Variants in CRACD observed in about 807,000 individuals in gnomAD.
CRACD encodes the protein capping protein-inhibiting regulator of actin dynamics.
A neutral mutation model predicts 106.8 loss-of-function variants in CRACD; 56 were observed. That is an observed-to-expected ratio of 0.52 (90% CI 0.42 to 0.66). The LOEUF is 0.66. Ranked by LOEUF, CRACD falls within the 30% of genes least tolerant of loss-of-function variation. The pLI is 0.00. For missense variants in CRACD, 1,730 were observed against 1,623.2 expected, an observed-to-expected ratio of 1.07 and a Z score of -1.13; for synonymous variants, 754 against 670.8, an observed-to-expected ratio of 1.12 and a Z score of -1.92.
chr4:56,296,438 G>A (rs527968267), intron 3 of CRACD, among the ~76,000 whole-genome samples: 7 of 151,906 alleles, frequency 4.6e-5, no homozygotes, highest in South Asian at 2.1e-4. Flanking sequence ...TGTAAACCTC[G>A]CACACTTTTA....
At chr4:56,289,378 G>C (rs1288925309) in intron 3 of CRACD, among the ~76,000 whole-genome samples, 2 of 152,152 alleles carry the variant, frequency 1.3e-5, no homozygotes, top group Non-Finnish European at 2.9e-5. Flanking sequence ...TTGTGTTTAA[G>C]AATTAAAACT....
At chr4:56,105,397 G>A (rs1733918119) in intron 1 of CRACD, among the ~76,000 whole-genome samples, 2 of 152,168 alleles carry the variant, frequency 1.3e-5, no homozygotes, top group African/African-American at 4.8e-5. Context: ...TCCTTGGGAG[G>A]TTGAGGTGGA....
At chr4:56,326,370 T>A (rs1016997064) in intron 10 of CRACD, among the ~76,000 whole-genome samples, 3 of 152,220 alleles carry the variant, frequency 2.0e-5, no homozygotes, top group Non-Finnish European at 4.4e-5. Flanking sequence ...ATGAGTTTCT[T>A]TCAAAATAAA....
intron 2 of CRACD, among the ~76,000 whole-genome samples, chr4:56,218,981 A>G (rs772635004): frequency 3.2e-4 from 49 of 152,158 alleles, no homozygotes; most frequent in Admixed American, 5.9e-4. Context: ...TTGACCTTCA[A>G]TGCCCTGAAT....
At chr4:56,108,505 G>A (rs540259682) in intron 1 of CRACD, among the ~76,000 whole-genome samples, 2 of 152,306 alleles carry the variant, frequency 1.3e-5, no homozygotes, top group South Asian at 4.1e-4. Flanking sequence ...CGTGTGCGGA[G>A]ACGAGAGATT....
intron 2 of CRACD, among the ~76,000 whole-genome samples, chr4:56,206,677 G>C (rs1223086000): frequency 6.6e-6 from 1 of 152,180 alleles, no homozygotes; most frequent in Non-Finnish European, 1.5e-5. Flanking sequence ...GGTTTTGTCT[G>C]TCGGGGCCTA....
At chr4:56,112,295 C>T (rs1002238657) in intron 1 of CRACD, among the ~76,000 whole-genome samples, 31 of 152,308 alleles carry the variant, frequency 2.0e-4, no homozygotes, top group Middle Eastern at 3.4e-3. Flanking sequence ...AAGACCCCAA[C>T]TCCCAGATGG....
chr4:56,165,301 A>G (rs748668657), intron 1 of CRACD, among the ~76,000 whole-genome samples: 1 of 152,176 alleles, frequency 6.6e-6, no homozygotes, highest in African/African-American at 2.4e-5. Flanking sequence ...GCAGCAACAG[A>G]CAGAAATCCC....
chr4:56,094,642 CTG>C (rs1400465153), intron 1 of CRACD, among the ~76,000 whole-genome samples: 1 of 152,086 alleles, frequency 6.6e-6, no homozygotes, highest in Non-Finnish European at 1.5e-5. Flanking sequence ...TTAGTAGAAA[CTG>C]GGTTTCGCCA....
intron 4 of CRACD, among the ~76,000 whole-genome samples, chr4:56,303,953 T>TG (rs1327106902): frequency 6.6e-6 from 1 of 152,222 alleles, no homozygotes; most frequent in Non-Finnish European, 1.5e-5. Flanking sequence ...TTGTTTTCTC[T>TG]GGGGGGATTT....
intron 2 of CRACD, among the ~76,000 whole-genome samples, chr4:56,213,467 TAA>T (rs1738512921): frequency 6.7e-6 from 1 of 148,536 alleles, no homozygotes; most frequent in African/African-American, 2.6e-5. Context: ...TAAAATAAAA[TAA>T]AAGAGTTTAA....
At chr4:56,221,084 T>G (rs1443338656) in intron 2 of CRACD, among the ~76,000 whole-genome samples, 1 of 152,048 alleles carries the variant, frequency 6.6e-6, no homozygotes, top group Non-Finnish European at 1.5e-5. Flanking sequence ...AGGGCTAGAT[T>G]ATGAAAGATG....
intron 2 of CRACD, among the ~76,000 whole-genome samples, chr4:56,253,683 A>G (rs1332857834): frequency 6.6e-6 from 1 of 152,254 alleles, no homozygotes; most frequent in African/African-American, 2.4e-5. Context: ...AAGGGGCTGC[A>G]TTTAGGTCAT....
chr4:56,319,192 A>G (rs1408338913), intron 8 of CRACD, among the ~76,000 whole-genome samples: 2 of 152,196 alleles, frequency 1.3e-5, no homozygotes, highest in African/African-American at 4.8e-5. Context: ...CACCACATGC[A>G]GCCCCACATA....
At chr4:56,300,955 A>C (rs545447457) in intron 4 of CRACD, among the ~76,000 whole-genome samples, 1 of 152,370 alleles carries the variant, frequency 6.6e-6, no homozygotes, top group East Asian at 1.9e-4. Flanking sequence ...CACAGGAAGA[A>C]AAATGTGAGT....
chr4:56,287,850 C>G (rs985454486), intron 3 of CRACD, among the ~76,000 whole-genome samples: 2 of 152,080 alleles, frequency 1.3e-5, no homozygotes, highest in Non-Finnish European at 2.9e-5. Flanking sequence ...CTTTCTAAAC[C>G]CATAATGAGT....
intron 2 of CRACD, among the ~76,000 whole-genome samples, chr4:56,208,638 T>C (rs1738246840): frequency 2.0e-5 from 3 of 152,218 alleles, no homozygotes; most frequent in Non-Finnish European, 4.4e-5. Flanking sequence ...CATTTATTAT[T>C]TGGCAATGCT....
intron 2 of CRACD, among the ~76,000 whole-genome samples, chr4:56,184,393 G>A (rs922579218): frequency 2.1e-4 from 32 of 152,088 alleles, no homozygotes; most frequent in African/African-American, 7.2e-4. Context: ...CTTTGTCCTG[G>A]AAGTGTGTGG....
At position 56,314,224 on chromosome 4, in the gene CRACD, A is replaced by T. The variant is rs1745349440; in HGVS notation, c.722A>T (p.Glu241Val). The change falls in exon 8 of 11, where the codon GAA (glutamate) becomes GTA (valine). Residue 241 changes from glutamate (E) to valine (V), a missense_variant. Around this residue, in one of 5 missense-constraint regions of CRACD, gnomAD observed 1,620 missense variants for 1,481.6 expected, o/e 1.09. Coordinates refer to ENST00000682029, the MANE Select transcript of CRACD (RefSeq NM_001393381.1). This position sits in a 1 kb window ranked among gnomAD's most constrained non-coding sequence, Gnocchi z 4.4. ...LEAKCKRQKA[E>V]AAEKRRLEEQ... is the part of the protein sequence containing the mutation. ...GCCAAGTGCAAGCGGCAAAAGGCGG[A>T]AGCAGCCGAGAAGAGACGCCTAGAG... 1.9e-6 allele frequency: 3 copies of T among 1,601,320 alleles called. No homozygotes were observed. Among genetic ancestry groups the T allele is most frequent in the Admixed American group, 3.5e-5 (2 of 56,794 alleles).
Sources: gnomAD v4.1 joint callset for allele counts (sites outside exome capture counted in the v4.1 genomes callset) on GRCh38, gnomAD v4.1.1 for gene constraint, gnomAD v4.1.1 regional missense constraint, Gnocchi (gnomAD v3.1) non-coding constraint, MANE v1.5 for transcripts, NCBI Gene and HGNC (gene_info 2026-07-23, HGNC 2026-07-21) for gene names.